ESR2: variants seen among roughly 807,000 people sequenced by gnomAD.
ESR2 encodes the protein estrogen receptor beta.
Under a neutral mutation model 49.6 loss-of-function variants are expected in ESR2, and 36 were observed. The observed-to-expected ratio is 0.73, with a 90% confidence interval of 0.56 to 0.96. The LOEUF is 0.96. Among genes scored for constraint, ESR2 ranks in the 40% least tolerant of loss-of-function variants. The pLI is 0.00. For synonymous variants in ESR2, 320 were observed against 266.1 expected, an observed-to-expected ratio of 1.20 and a Z score of -1.97; for missense variants, 714 against 693.0, an observed-to-expected ratio of 1.03 and a Z score of -0.34.
At chr14:64,325,287 C>T (rs2077374882) in intron 1 of ESR2, among the ~76,000 whole-genome samples, 1 of 152,062 alleles carries the variant, frequency 6.6e-6, no homozygotes, top group South Asian at 2.1e-4. Flanking sequence ...TCTGAGTAAG[C>T]AAGTTTAGTT....
chr14:64,248,003 G>A (rs2075901013), intron 7 of ESR2, among the ~76,000 whole-genome samples: 1 of 152,278 alleles, frequency 6.6e-6, no homozygotes, highest in Admixed American at 6.5e-5. Context: ...AGACCAGCTT[G>A]GCCAACACAG....
chr14:64,244,744 T>A (rs952958423), intron 7 of ESR2, among the ~76,000 whole-genome samples: 1 of 152,254 alleles, frequency 6.6e-6, no homozygotes, highest in Non-Finnish European at 1.5e-5. Context: ...TGCAGACGCA[T>A]ATCATGTGAC....
intron 6 of ESR2, among the ~76,000 whole-genome samples, chr14:64,254,774 C>T (rs1386525913): frequency 7.0e-6 from 1 of 143,494 alleles, no homozygotes; most frequent in Non-Finnish European, 1.5e-5. Flanking sequence ...AAAAAACAAA[C>T]AAACAAAAAC....
intron 4 of ESR2, among the ~76,000 whole-genome samples, chr14:64,261,131 A>G (rs1360542475): frequency 6.6e-6 from 1 of 152,168 alleles, no homozygotes; most frequent in Non-Finnish European, 1.5e-5. Context: ...ACACAAAACA[A>G]GTATATTTCA....
In ESR2 at chr14:64,231,197, TTA is replaced by T. The variant is rs1401722136; in HGVS notation, c.*1938_*1939del. ...CCACATCTGGCCTTGTTTTGGTTTT[TTA>T]TGTTTTTGTTACCTGGTAATCTCTT... On this transcript the variant is annotated 3_prime_UTR_variant, in exon 9 of 9. Transcript: ENST00000341099. The T allele has an allele frequency of 1.3e-5, 2 of 152,218 alleles. No homozygotes were observed. Among genetic ancestry groups the T allele is most frequent in the Admixed American group, 6.5e-5 (1 of 15,282 alleles). 9.4% of individuals were successfully genotyped at this position (152,218 alleles called of 1,614,324 possible).
At chr14:64,250,510 C>T (rs1462953790) in intron 6 of ESR2, among the ~76,000 whole-genome samples, 1 of 152,182 alleles carries the variant, frequency 6.6e-6, no homozygotes, top group Non-Finnish European at 1.5e-5. Flanking sequence ...CTCACTGCTC[C>T]CCCAAAACAC....
intron 1 of ESR2, among the ~76,000 whole-genome samples, chr14:64,288,547 A>T (rs978016571): frequency 6.6e-6 from 1 of 151,692 alleles, no homozygotes; most frequent in Non-Finnish European, 1.5e-5. Context: ...ACGGGGTTTC[A>T]CCATGTTAGC....
intron 7 of ESR2, among the ~76,000 whole-genome samples, chr14:64,240,566 C>T (rs572651405): frequency 6.6e-6 from 1 of 152,268 alleles, no homozygotes; most frequent in Non-Finnish European, 1.5e-5. Flanking sequence ...CAATAACCTG[C>T]ACATATTTTG....
In ESR2 at chr14:64,279,949, A is replaced by T. The variant is rs1052601476; in HGVS notation, c.535+32T>A. 3 of 1,580,964 alleles carry T rather than the reference A, an allele frequency of 1.9e-6. No homozygotes were observed. The African/African-American group carries it at 4.1e-5, about 21-fold the overall frequency. ...AAATTGTTTGAAATCAAAAGTAGGA[A>T]ACTAAAGAAGCAGTTAACAATTCTC... On this transcript the variant is annotated intron_variant, in intron 3 of 8. Transcript: ENST00000341099.
intron 1 of ESR2, among the ~76,000 whole-genome samples, chr14:64,332,516 T>C (rs2077472325): frequency 6.6e-6 from 1 of 152,130 alleles, no homozygotes; most frequent in African/African-American, 2.4e-5. Flanking sequence ...AAAAGGGTAC[T>C]GTAACCAGGC....
intron 3 of ESR2, among the ~76,000 whole-genome samples, chr14:64,275,410 T>C (rs1254035883): frequency 6.6e-6 from 1 of 152,200 alleles, no homozygotes; most frequent in Non-Finnish European, 1.5e-5. Context: ...CTGCTCTTTT[T>C]TGGTTTCCAT....
At chr14:64,234,555 C>G in intron 8 of ESR2, 1 of 229,468 alleles carries the variant, frequency 4.4e-6, no homozygotes, top group Non-Finnish European at 8.5e-6. Flanking sequence ...AGCATTTGTG[C>G]ACTTCTTCGC....
chr14:64,338,587 G>C (rs1343504575), upstream of ESR2: 1 of 152,510 alleles, frequency 6.6e-6, no homozygotes, highest in East Asian at 1.9e-4. Flanking sequence ...GAGCATCCGG[G>C]AGACTCGCCG....
At chr14:64,294,747 G>A (rs1433853868), upstream of ESR2, among the ~76,000 whole-genome samples, 1 of 152,204 alleles carries the variant, frequency 6.6e-6, no homozygotes, top group Non-Finnish European at 1.5e-5. Context: ...TGATTCTAAG[G>A]AGCCAGTGGT....
chr14:64,270,605 G>T (rs1596429233), intron 3 of ESR2, among the ~76,000 whole-genome samples: 1 of 152,064 alleles, frequency 6.6e-6, no homozygotes, highest in East Asian at 1.9e-4. Context: ...CTGCCCCCCG[G>T]GTTCAAGTGA....
downstream of ESR2, chr14:64,228,132 T>G (rs1206796406): frequency 5.6e-6 from 6 of 1,076,676 alleles, no homozygotes; most frequent in Non-Finnish European, 7.4e-6. Context: ...AAGCAGAGCT[T>G]CTTAACTCTT....
At chr14:64,307,358 T>A (rs2077117409) in intron 1 of ESR2, among the ~76,000 whole-genome samples, 1 of 148,440 alleles carries the variant, frequency 6.7e-6, no homozygotes, top group Non-Finnish European at 1.5e-5. Flanking sequence ...ATTACAGGCA[T>A]GTGCCACCAT....
At chr14:64,244,542 C>T (rs2075809479) in intron 7 of ESR2, among the ~76,000 whole-genome samples, 1 of 152,162 alleles carries the variant, frequency 6.6e-6, no homozygotes, top group Non-Finnish European at 1.5e-5. Flanking sequence ...GGAGCTGGAA[C>T]ACCCATTTTC....
intron 4 of ESR2, among the ~76,000 whole-genome samples, chr14:64,267,935 T>G (rs2076365144): frequency 6.6e-6 from 1 of 151,890 alleles, no homozygotes; most frequent in African/African-American, 2.4e-5. Context: ...GGATTTTTGT[T>G]TTAAATTTTC....
Sources: gnomAD v4.1 joint callset for allele counts (sites outside exome capture counted in the v4.1 genomes callset) on GRCh38, gnomAD v4.1.1 for gene constraint, MANE v1.5 for transcripts, NCBI Gene and HGNC (gene_info 2026-07-23, HGNC 2026-07-21) for gene names.